CCSER1: variants seen among roughly 807,000 people sequenced by gnomAD.
The protein encoded by CCSER1 is serine-rich coiled-coil domain-containing protein 1.
CCSER1 carries 41 observed loss-of-function variants against 82.0 expected under a neutral mutation model. The observed-to-expected ratio is 0.50, with a 90% CI of 0.39 to 0.65. CCSER1 has a LOEUF of 0.65. Ranked by LOEUF, CCSER1 falls within the 30% of genes least tolerant of loss-of-function variation. The pLI, the probability that CCSER1 is intolerant of heterozygous loss-of-function variation, is 0.00. For synonymous variants in CCSER1, 414 were observed against 383.9 expected (o/e 1.08, Z -0.92); for missense variants, 1,119 against 1,064.2 (o/e 1.05, Z -0.72).
chr4:90,610,104 T>C (rs1785251489), intron 5 of CCSER1, among the ~76,000 whole-genome samples: 2 of 151,752 alleles, frequency 1.3e-5, no homozygotes, highest in Admixed American at 1.3e-4. Flanking sequence ...ATACAAAAAA[T>C]TAGCCGGGCG....
intron 1 of CCSER1, among the ~76,000 whole-genome samples, chr4:90,236,261 T>A (rs955976092): frequency 6.6e-6 from 1 of 152,132 alleles, no homozygotes; most frequent in Non-Finnish European, 1.5e-5. Context: ...AGGAAAAGAA[T>A]CTTATGTTGT....
intron 1 of CCSER1, among the ~76,000 whole-genome samples, chr4:90,248,079 G>A (rs1560873973): frequency 6.6e-6 from 1 of 151,970 alleles, no homozygotes; most frequent in African/African-American, 2.4e-5. Context: ...AATAAGTTGG[G>A]CAAATATATT....
rs1459013408 is a variant in CCSER1 at position 91,130,788 on chromosome 4, T to C, written c.2217+44794T>C. Reference sequence around the variant, plus strand: ...TCAGGAAGGAAATAACCAATTATCTTACATAAAATGCAATGTTAATAATAA... The same window carrying C: ...TCAGGAAGGAAATAACCAATTATCTCACATAAAATGCAATGTTAATAATAA... On this transcript the variant is annotated intron_variant, in intron 10 of 10. Transcript: ENST00000509176. Among the ~76,000 whole-genome samples the C allele has an allele frequency of 4.6e-5, 7 of 151,800 alleles. No homozygotes were observed. The East Asian group carries it at 1.2e-3, about 25-fold the overall frequency.
chr4:90,665,595 A>G (rs906869767), intron 6 of CCSER1, among the ~76,000 whole-genome samples: 1 of 152,140 alleles, frequency 6.6e-6, no homozygotes, highest in African/African-American at 2.4e-5. Flanking sequence ...TGCTGGGATT[A>G]CAGGTATAAG....
At chr4:90,728,659 A>AC (rs1744141041) in intron 7 of CCSER1, among the ~76,000 whole-genome samples, 1 of 151,896 alleles carries the variant, frequency 6.6e-6, no homozygotes, top group African/African-American at 2.4e-5. Context: ...ATATAGGGAG[A>AC]CCCCCTCCCT....
At chr4:90,268,839 T>A (rs1725726126) in intron 1 of CCSER1, among the ~76,000 whole-genome samples, 3 of 146,748 alleles carry the variant, frequency 2.0e-5, no homozygotes, top group Admixed American at 6.8e-5. Context: ...AGACAGAAAA[T>A]AAAGGAATGT....
intron 3 of CCSER1, among the ~76,000 whole-genome samples, chr4:90,391,444 GTATA>G (rs770320334): frequency 0.038 from 1,432 of 37,436 alleles, 24 homozygotes; most frequent in Middle Eastern, 0.11. Context: ...ATATATGGGG[GTATA>G]TATATATATA....
chr4:90,709,196 G>T (rs1006771855), intron 6 of CCSER1, among the ~76,000 whole-genome samples: 2 of 151,990 alleles, frequency 1.3e-5, no homozygotes, highest in Non-Finnish European at 2.9e-5. Context: ...ATATAGCTAG[G>T]TGCAAAGTTT....
At position 90,243,062 on chromosome 4, in the gene CCSER1, C is replaced by CTTTTT. The variant is rs745465024; in HGVS notation, c.-41-65167_-41-65163dup. On this transcript the variant is annotated intron_variant, in intron 1 of 10. Coordinates refer to ENST00000509176, the MANE Select transcript of CCSER1 (RefSeq NM_001145065.2). ...ATCTCTCTCTCTTTTCTCTCTCTCTCTTTTTTTTTTTTTTTTTTTAAAATA... is the reference window on the plus strand; with the variant it reads ...ATCTCTCTCTCTTTTCTCTCTCTCTCTTTTTTTTTTTTTTTTTTTTTTTTAAAATA... Among the ~76,000 whole-genome samples, 628 of 126,952 alleles carry CTTTTT rather than the reference C, an allele frequency of 4.9e-3. 4 individuals are homozygous for CTTTTT. The highest frequency in any genetic ancestry group is 0.019 in the African/African-American group (613 of 31,928). The allele number at this position is 126,952 out of a possible 152,430, so 83.3% of individuals were successfully genotyped here.
At chr4:90,647,933 C>T (rs977767377) in intron 6 of CCSER1, among the ~76,000 whole-genome samples, 1 of 152,042 alleles carries the variant, frequency 6.6e-6, no homozygotes, top group African/African-American at 2.4e-5. Flanking sequence ...ATATTCATGC[C>T]TGTGCTTAAC....
rs1193969663 is a variant in CCSER1 at position 90,766,287 on chromosome 4, A to C, written c.2010+42296A>C. Among the ~76,000 whole-genome samples, 4 of 152,168 alleles carry C rather than the reference A, an allele frequency of 2.6e-5. No individual in the cohort carries two copies. The East Asian group carries it at 7.7e-4, about 29-fold the overall frequency. On this transcript the variant is annotated intron_variant, in intron 7 of 10. Transcript: ENST00000509176. ...AACTTCCTGAAAGTTGTGTCCACAT[A>C]ATTTCCCAAGTTCATATATAACGTT...
chr4:91,435,236 T>C (rs1170479582), intron 10 of CCSER1, among the ~76,000 whole-genome samples: 1 of 152,144 alleles, frequency 6.6e-6, no homozygotes, highest in Admixed American at 6.5e-5. Flanking sequence ...GTCCTGGAGT[T>C]TGAGACCAGC....
chr4:90,965,429 A>G (rs1226183095), intron 9 of CCSER1, among the ~76,000 whole-genome samples: 1 of 152,090 alleles, frequency 6.6e-6, no homozygotes, highest in African/African-American at 2.4e-5. Flanking sequence ...CTGCATAGGT[A>G]GGAAGGAAAA....
intron 3 of CCSER1, among the ~76,000 whole-genome samples, chr4:90,386,078 C>T (rs1355265949): frequency 6.6e-6 from 1 of 152,124 alleles, no homozygotes; most frequent in Non-Finnish European, 1.5e-5. Context: ...AATGAACATA[C>T]TACCCAAAGC....
rs757115457 is a variant in CCSER1, at chr4:91,144,194, T to C, written c.2217+58200T>C. On this transcript the variant is annotated intron_variant, in intron 10 of 10. Transcript: ENST00000509176. ...TTCTTCTTGATTCAATATTTGTTGG[T>C]CATGTGTTTCCAGGAATTTATCCAT... is the stretch of plus-strand genomic sequence containing the variant. Among the ~76,000 whole-genome samples, 10 of 151,992 alleles carry C rather than the reference T, an allele frequency of 6.6e-5. 1 individual carries two copies. The highest frequency in any genetic ancestry group is 1.3e-4 in the Non-Finnish European group (9 of 67,916).
intron 4 of CCSER1, among the ~76,000 whole-genome samples, chr4:90,452,092 G>A (rs1039003078): frequency 2.0e-5 from 3 of 152,034 alleles, no homozygotes; most frequent in Non-Finnish European, 4.4e-5. Context: ...GGAGAGAGGC[G>A]TACTCTCAAT....
intron 10 of CCSER1, among the ~76,000 whole-genome samples, chr4:91,260,066 G>T (rs1362653477): frequency 3.3e-5 from 5 of 152,070 alleles, no homozygotes; most frequent in South Asian, 2.1e-4. Context: ...AGGGACAAAA[G>T]TCAAAATTAA....
chr4:91,537,127 T>A lies in CCSER1; in HGVS notation c.2218-61445T>A, dbSNP rs549243503. On this transcript the variant is annotated intron_variant, in intron 10 of 10. Transcript: ENST00000509176. ...GTTTATTAGCGGTCAGGCATTATAG[T>A]AAAAGGCTCGAACACATTAGTTTAC... is the stretch of plus-strand genomic sequence containing the variant. Among the ~76,000 whole-genome samples the A allele has an allele frequency of 4.6e-5, 7 of 152,214 alleles. No homozygotes were observed. In the East Asian group the frequency reaches 1.3e-3, roughly 29 times the overall value.
chr4:91,492,976 T>G (rs543258626), intron 10 of CCSER1, among the ~76,000 whole-genome samples: 1 of 151,326 alleles, frequency 6.6e-6, no homozygotes, highest in East Asian at 2.0e-4. Context: ...TAGTGTAGAT[T>G]ATTTTGTGTG....
Sources: gnomAD v4.1 joint callset for allele counts (sites outside exome capture counted in the v4.1 genomes callset) on GRCh38, gnomAD v4.1.1 for gene constraint, MANE v1.5 for transcripts, NCBI Gene and HGNC (gene_info 2026-07-23, HGNC 2026-07-21) for gene names.